Variants in P2RY8 observed in about 807,000 individuals in gnomAD.
P2RY8 encodes P2Y receptor family member 8, also known as S-geranylgeranyl-glutathione receptor P2RY8.
A neutral mutation model predicts 10.0 loss-of-function variants in P2RY8; 6 were observed. The observed-to-expected ratio is 0.60, with a 90% CI of 0.33 to 1.19. The LOEUF is 1.19. Ranked by LOEUF, P2RY8 falls within the 50% of genes most tolerant of loss-of-function variation. The pLI is 0.04. For missense variants in P2RY8, 456 were observed against 542.0 expected (o/e 0.84, Z 1.58); for synonymous variants, 276 against 252.5 (o/e 1.09, Z -0.88).
rs775330640 is a variant in P2RY8, at chrX:1,466,570, C to A, written c.-12G>T. 3.1e-6 allele frequency: 5 copies of A among 1,597,872 alleles called. No homozygotes were observed. The African/African-American group carries it at 6.7e-5, about 21-fold the overall frequency. Reference sequence around the variant, plus strand: ...TTCGGGACCTGCATCCTGGAGGGGTCCTCGCCCGGGCTCTGCAAGGGAAGG... The same window carrying A: ...TTCGGGACCTGCATCCTGGAGGGGTACTCGCCCGGGCTCTGCAAGGGAAGG... On this transcript the variant is annotated 5_prime_UTR_variant, in exon 2 of 2. Coordinates refer to ENST00000381297, the MANE Select transcript of P2RY8 (RefSeq NM_178129.5).
Position 1,535,716 on chromosome X carries a change from G to GAC in P2RY8, c.-25+1203_-25+1204dup, listed in dbSNP as rs770470429. 5.7e-3 allele frequency among the ~76,000 whole-genome samples: 831 copies of GAC among 146,276 alleles called. 5 individuals are homozygous for GAC. The highest frequency in any genetic ancestry group is 0.013 in the East Asian group (63 of 4,990). On this transcript the variant is annotated intron_variant, in intron 1 of 1. Coordinates refer to ENST00000381297, the MANE Select transcript of P2RY8 (RefSeq NM_178129.5). ...AACCACACACACACACACACACACAGACACACACACAGACACACACACACA... is the reference window on the plus strand; with the variant it reads ...AACCACACACACACACACACACACAGACACACACACACAGACACACACACACA...
chrX:1,530,149 GTATGTATGATCTATC>G (rs1480282565), intron 1 of P2RY8, among the ~76,000 whole-genome samples: 14,367 of 131,836 alleles, frequency 0.11, 911 homozygotes, highest in African/African-American at 0.2. Flanking sequence ...ATGTATGTAT[GTATGTATGATCTATC>G]TATCTATCTA....
intron 1 of P2RY8, among the ~76,000 whole-genome samples, chrX:1,513,154 G>C (rs2092312260): frequency 6.6e-6 from 1 of 151,778 alleles, no homozygotes; most frequent in Non-Finnish European, 1.5e-5. Context: ...AGTTTGCTGA[G>C]AGTGACTTTC....
At chrX:1,480,146 C>T (rs191301006) in intron 1 of P2RY8, among the ~76,000 whole-genome samples, 2 of 152,256 alleles carry the variant, frequency 1.3e-5, no homozygotes, top group South Asian at 2.1e-4. Context: ...ATAAATTTCA[C>T]CAATATGTGC....
At position 1,464,455 on chromosome X, in the gene P2RY8, G is replaced by A. The variant is rs761771381; in HGVS notation, c.*1024C>T. On this transcript the variant is annotated 3_prime_UTR_variant, in exon 2 of 2. Coordinates refer to ENST00000381297, the MANE Select transcript of P2RY8 (RefSeq NM_178129.5). ...CCAAACGGTCTCATGGGTCAGGCCA[G>A]TTGCCTGCTTCCTGGACTCCAGATG... The A allele has an allele frequency of 7.3e-5, 17 of 233,510 alleles. 1 individual carries two copies. The East Asian group carries it at 1.0e-3, about 14-fold the overall frequency. 14.5% of individuals were successfully genotyped at this position (233,510 alleles called of 1,614,324 possible).
chrX:1,466,578 G>T lies in P2RY8; in HGVS notation c.-20C>A, dbSNP rs1270698813. Reference sequence around the variant, plus strand: ...CTGCATCCTGGAGGGGTCCTCGCCCGGGCTCTGCAAGGGAAGGAGGGAAGG... The same window carrying T: ...CTGCATCCTGGAGGGGTCCTCGCCCTGGCTCTGCAAGGGAAGGAGGGAAGG... On this transcript the variant is annotated 5_prime_UTR_variant, in exon 2 of 2. Coordinates refer to ENST00000381297, the MANE Select transcript of P2RY8 (RefSeq NM_178129.5). The T allele has an allele frequency of 1.3e-6, 2 of 1,592,830 alleles. No homozygotes were observed. Among genetic ancestry groups the T allele is most frequent in the Admixed American group, 1.7e-5 (1 of 59,430 alleles).
At position 1,465,375 on chromosome X, in the gene P2RY8, G is replaced by C. The variant is rs1705018733; in HGVS notation, c.*104C>G. 2 of 1,495,394 alleles carry C rather than the reference G, an allele frequency of 1.3e-6. No individual in the cohort carries two copies. The highest frequency in any genetic ancestry group is 1.8e-6 in the Non-Finnish European group (2 of 1,128,496). The allele number at this position is 1,495,394 out of a possible 1,614,324, so 92.6% of individuals were successfully genotyped here. On this transcript the variant is annotated 3_prime_UTR_variant, in exon 2 of 2. Coordinates refer to ENST00000381297, the MANE Select transcript of P2RY8 (RefSeq NM_178129.5). ...CCCACCGGGCCTCTGCAGTGCCTGGGAGCAACGCAGCTGTTCTCCCTGAAC... is the reference window on the plus strand; with the variant it reads ...CCCACCGGGCCTCTGCAGTGCCTGGCAGCAACGCAGCTGTTCTCCCTGAAC...
chrX:1,532,473 ATAGATGTATATGTG>A (rs2092485569), intron 1 of P2RY8, among the ~76,000 whole-genome samples: 1 of 4,612 alleles, frequency 2.2e-4, no homozygotes. Flanking sequence ...ACATATATGT[ATAGATGTATATGTG>A]TATATATACA....
At chrX:1,504,278 T>A (rs1304190327) in intron 1 of P2RY8, among the ~76,000 whole-genome samples, 1 of 150,542 alleles carries the variant, frequency 6.6e-6, no homozygotes, top group Non-Finnish European at 1.5e-5. Context: ...ATGGCGCCAC[T>A]GCACTCCAGC....
chrX:1,472,932 G>A (rs1391015996), intron 1 of P2RY8, among the ~76,000 whole-genome samples: 9 of 129,710 alleles, frequency 6.9e-5, no homozygotes, highest in Non-Finnish European at 1.5e-4. Context: ...AGATGGATGG[G>A]CGGGTGAGTG....
At chrX:1,499,256 A>G (rs1415063150) in intron 1 of P2RY8, among the ~76,000 whole-genome samples, 8 of 138,902 alleles carry the variant, frequency 5.8e-5, no homozygotes, top group Non-Finnish European at 6.1e-5. Flanking sequence ...TCTGCCTCCC[A>G]GGTTCAAGCG....
At chrX:1,478,547 C>T (rs1390103513) in intron 1 of P2RY8, among the ~76,000 whole-genome samples, 9 of 151,880 alleles carry the variant, frequency 5.9e-5, no homozygotes, top group African/African-American at 1.7e-4. Flanking sequence ...GGCACGATCT[C>T]GGCTCACTGC....
At chrX:1,509,144 A>ATCCAT (rs1363419178) in intron 1 of P2RY8, among the ~76,000 whole-genome samples, 124 of 116,714 alleles carry the variant, frequency 1.1e-3, no homozygotes, top group East Asian at 5.3e-3. Context: ...TCTATCTATC[A>ATCCAT]TCTATGTATC....
At chrX:1,507,642 C>T (rs868069979) in intron 1 of P2RY8, among the ~76,000 whole-genome samples, 3 of 152,246 alleles carry the variant, frequency 2.0e-5, no homozygotes, top group Admixed American at 6.5e-5. Flanking sequence ...GGAGTCCCCA[C>T]GTGCCGGCCC....
intron 1 of P2RY8, among the ~76,000 whole-genome samples, chrX:1,475,037 G>C (rs1464985859): frequency 6.7e-6 from 1 of 148,814 alleles, no homozygotes; most frequent in Non-Finnish European, 1.5e-5. Flanking sequence ...ATGGGTAGAT[G>C]GATGGGTAGA....
At chrX:1,497,955 A>G (rs1260154998) in intron 1 of P2RY8, among the ~76,000 whole-genome samples, 1 of 152,050 alleles carries the variant, frequency 6.6e-6, no homozygotes, top group East Asian at 1.9e-4. Context: ...AGAAGCAGAG[A>G]GGGATGAGCA....
intron 1 of P2RY8, among the ~76,000 whole-genome samples, chrX:1,467,284 T>A (rs1332024115): frequency 1.3e-5 from 2 of 152,174 alleles, no homozygotes; most frequent in African/African-American, 4.8e-5. Context: ...CTGCTCTTTC[T>A]TCCTCCAGAG....
intron 1 of P2RY8, among the ~76,000 whole-genome samples, chrX:1,520,918 C>T (rs139429966): frequency 6.6e-6 from 1 of 151,488 alleles, no homozygotes; most frequent in East Asian, 2.0e-4. Flanking sequence ...GATCCCCAAT[C>T]ATCTCCTTGG....
At chrX:1,497,590 G>A (rs1367315649) in intron 1 of P2RY8, among the ~76,000 whole-genome samples, 5 of 152,014 alleles carry the variant, frequency 3.3e-5, no homozygotes, top group African/African-American at 4.8e-5. Flanking sequence ...CCCGGGAGGC[G>A]GAGGTTGCGG....
Sources: gnomAD v4.1 joint callset for allele counts (sites outside exome capture counted in the v4.1 genomes callset) on GRCh38, gnomAD v4.1.1 for gene constraint, MANE v1.5 for transcripts, NCBI Gene and HGNC (gene_info 2026-07-23, HGNC 2026-07-21) for gene names.